The following KMT2D variants were observed in gnomAD, a reference collection of about 807,000 sequenced individuals.
KMT2D encodes the protein histone-lysine N-methyltransferase 2D.
In KMT2D, 55 loss-of-function variants were observed where a neutral mutation model predicts 512.7. The observed-to-expected ratio is 0.11, with a 90% CI of 0.09 to 0.13. KMT2D has a LOEUF of 0.13. Among genes scored for constraint, KMT2D ranks in the 10% least tolerant of loss-of-function variants. The pLI is 1.00. For missense variants in KMT2D, 6,061 were observed against 7,127.9 expected (o/e 0.85, Z 5.39); for synonymous variants, 2,995 against 2,904.0 (o/e 1.03, Z -1.01).
rs370775912 is a variant in KMT2D at position 49,044,946 on chromosome 12, G to A, written c.4761C>T (p.Phe1587=). The stretch of plus-strand genomic sequence containing the variant: ...CAGTTTCTGTCAGCCACACACCTTC[G>A]AAGCGAAAGTACTGGGGCTCTGCAT... ...VKEPEPQYFR[F]EGVWLTETGM... Residue 1587 remains phenylalanine, a synonymous_variant, in exon 20 of 55, where the codon TTC becomes TTT. Coordinates refer to ENST00000301067, the MANE Select transcript of KMT2D (RefSeq NM_003482.4). This position sits in a 1 kb window ranked among gnomAD's most constrained non-coding sequence, Gnocchi z 6.4. 15 of 1,613,866 alleles carry A rather than the reference G, an allele frequency of 9.3e-6. No homozygotes were observed. Among genetic ancestry groups the A allele is most frequent in the East Asian group, 2.2e-5 (1 of 44,884 alleles).
In KMT2D at chr12:49,042,884, G is replaced by A. The variant is rs1422052758; in HGVS notation, c.5645-6C>T. 3.7e-6 allele frequency: 6 copies of A among 1,613,576 alleles called. No homozygotes were observed. In the South Asian group the frequency reaches 5.5e-5, roughly 15 times the overall value. On this transcript the variant is annotated splice_region_variant and splice_polypyrimidine_tract_variant and intron_variant, in intron 26 of 54. Coordinates refer to ENST00000301067, the MANE Select transcript of KMT2D (RefSeq NM_003482.4). The surrounding 1 kb of genome is among the most constrained non-coding windows in gnomAD (Gnocchi z 4.4). ...GGATTCCATCTTGGGCAGTTCTGTGGGGGAATGAAGGACACTGTTGAGGAA... is the reference window on the plus strand; with the variant it reads ...GGATTCCATCTTGGGCAGTTCTGTGAGGGAATGAAGGACACTGTTGAGGAA...
chr12:49,044,964 C>T lies in KMT2D; in HGVS notation c.4743G>A (p.Glu1581=). The change falls in exon 20 of 55, where the codon GAG becomes GAA. Residue 1581 remains glutamate, a splice_region_variant and synonymous_variant. Coordinates refer to ENST00000301067, the MANE Select transcript of KMT2D (RefSeq NM_003482.4). The surrounding 1 kb of genome is among the most constrained non-coding windows in gnomAD (Gnocchi z 6.4). ...ELVPMKVKEP[E]PQYFRFEGVW... The stretch of plus-strand genomic sequence containing the variant: ...CACCTTCGAAGCGAAAGTACTGGGG[C>T]TCTGCATAAGAGGAAAGAGTATGTG... The T allele has an allele frequency of 3.7e-6, 6 of 1,613,338 alleles. No individual in the cohort carries two copies. Among genetic ancestry groups the T allele is most frequent in the Non-Finnish European group, 5.1e-6 (6 of 1,179,290 alleles).
Position 49,022,920 on chromosome 12 carries a change from C to A in KMT2D, c.16053-45G>T, listed in dbSNP as rs770597403. On this transcript the variant is annotated intron_variant, in intron 51 of 54. Coordinates refer to ENST00000301067, the MANE Select transcript of KMT2D (RefSeq NM_003482.4). This position sits in a 1 kb window ranked among gnomAD's most constrained non-coding sequence, Gnocchi z 8.6. ...ATGACAAGACAGCTCTCCCTCAGAC[C>A]AAGTACATACCACCCACCTCCTCTG... The A allele has an allele frequency of 3.3e-6, 5 of 1,513,738 alleles. No homozygotes were observed. The highest frequency in any genetic ancestry group is 1.8e-4 in the Middle Eastern group (1 of 5,706). The allele number at this position is 1,513,738 out of a possible 1,614,324, so 93.8% of individuals were successfully genotyped here.
In KMT2D at chr12:49,032,480, G is replaced by A; in HGVS notation, c.12225C>T (p.Leu4075=). The change falls in exon 40 of 55, where the codon CTC becomes CTT. Residue 4075 remains leucine (L), a synonymous_variant. Transcript: ENST00000301067. ...GCTGGGGCTGGGGTTGGACAAGCAG[G>A]AGTTGTGAGTCCCCAGAGAGTGAGG... The part of the protein sequence containing the change: ...VKPSLSGDSQ[L]LLVQPQPQPQ... 1 of 1,567,956 alleles carries A rather than the reference G, an allele frequency of 6.4e-7. No homozygotes were observed. Among genetic ancestry groups the A allele is most frequent in the Non-Finnish European group, 8.6e-7 (1 of 1,156,230 alleles).
At position 49,027,146 on chromosome 12, in the gene KMT2D, G is replaced by A. The variant is rs2120368654; in HGVS notation, c.14820C>T (p.Pro4940=). The change falls in exon 49 of 55, where the codon CCC becomes CCT. Residue 4940 remains proline, a synonymous_variant. Coordinates refer to ENST00000301067, the MANE Select transcript of KMT2D (RefSeq NM_003482.4). ...GTGAGGGGACGGGTGGCTCAGCCAA[G>A]GGTTCGGTGGGAAGTTCAACCAAGG... ...TEPLVELPTE[P]LAEPPVPSPL... is the part of the protein sequence containing the mutation. The A allele has an allele frequency of 1.3e-6, 2 of 1,571,108 alleles. No homozygotes were observed. The highest frequency in any genetic ancestry group is 1.7e-6 in the Non-Finnish European group (2 of 1,156,066).
Position 49,041,374 on chromosome 12 carries a change from G to T in KMT2D, c.6396C>A (p.Pro2132=), listed in dbSNP as rs746085488. The T allele has an allele frequency of 1.3e-6, 2 of 1,594,708 alleles. No homozygotes were observed. The highest frequency in any genetic ancestry group is 1.7e-6 in the Non-Finnish European group (2 of 1,170,090). ...PTIFIGSPTT[P]AGLSTSADGF... ...CGTCCGCAGAGGTAGACAAGCCGGC[G>T]GGGGTAGTGGGGCTGCCAATGAAAA... The change falls in exon 32 of 55, where the codon CCC becomes CCA. Residue 2132 remains proline, a synonymous_variant. Transcript: ENST00000301067. The surrounding 1 kb of genome is among the most constrained non-coding windows in gnomAD (Gnocchi z 5.4).
intron 1 of KMT2D, among the ~76,000 whole-genome samples, chr12:49,056,343 C>T (rs529035330): frequency 1.3e-5 from 2 of 152,172 alleles, no homozygotes; most frequent in African/African-American, 2.4e-5. Context: ...CTAAGAAATG[C>T]GTGCCTGTAT....
chr12:49,040,911 C>T lies in KMT2D; in HGVS notation c.6859G>A (p.Val2287Met). The change falls in exon 32 of 55, where the codon GTG becomes ATG. Residue 2287 changes from valine (V) to methionine (M), a missense_variant. Physicochemically the swap from Val to Met is conservative, Grantham distance 21. Transcript: ENST00000301067. ...PFGESRKALE[V>M]KKEELGASSP... ...GATGCCCCAAGCTCTTCCTTCTTCA[C>T]CTCTAGGGCCTTCCGGGACTCCCCA... 2 of 1,613,832 alleles carry T rather than the reference C, an allele frequency of 1.2e-6. No homozygotes were observed. The highest frequency in any genetic ancestry group is 1.7e-6 in the Non-Finnish European group (2 of 1,179,774).
rs760961544 is a variant in KMT2D, at chr12:49,041,245, G to A, written c.6525C>T (p.Asp2175=). 2 of 1,516,354 alleles carry A rather than the reference G, an allele frequency of 1.3e-6. No homozygotes were observed. Among genetic ancestry groups the A allele is most frequent in the Non-Finnish European group, 1.8e-6 (2 of 1,136,590 alleles). The allele number at this position is 1,516,354 out of a possible 1,614,324, so 93.9% of individuals were successfully genotyped here. The change falls in exon 32 of 55, where the codon GAC becomes GAT. Residue 2175 remains aspartate, a synonymous_variant. Transcript: ENST00000301067. This position sits in a 1 kb window ranked among gnomAD's most constrained non-coding sequence, Gnocchi z 5.4. ...GATAGGCAGGGGCCAGTCCAAAGGG[G>A]TCCTGCGAAGGCACTTGGGCGGGCA... ...PQVPAQVPSQ[D]PFGLAPAYPL... is the part of the protein sequence containing the mutation.
rs2120505404 is a variant in KMT2D at position 49,038,889 on chromosome 12, C to T, written c.8467G>A (p.Ala2823Thr). ...AATCGCATGGAGGTTGCTGCTGTTGCCTGTTGTTGCTGCCACAGTTGTTGC... is the reference window on the plus strand; with the variant it reads ...AATCGCATGGAGGTTGCTGCTGTTGTCTGTTGTTGCTGCCACAGTTGTTGC... ...QQQQLWQQQQ[A>T]TAATSMRFAM... is the part of the protein sequence containing the mutation. Residue 2823 changes from alanine (A) to threonine (T), a missense_variant, in exon 35 of 55, where the codon GCA becomes ACA. By Grantham distance (58) the Ala-to-Thr change is moderately conservative (BLOSUM62 0). This residue lies in a region of KMT2D where 527 missense variants were observed against 578.9 expected (regional missense o/e 0.91). Coordinates refer to ENST00000301067, the MANE Select transcript of KMT2D (RefSeq NM_003482.4). This position sits in a 1 kb window ranked among gnomAD's most constrained non-coding sequence, Gnocchi z 5.7. 6.4e-7 allele frequency: 1 copy of T among 1,551,742 alleles called. No individual in the cohort carries two copies. The highest frequency in any genetic ancestry group is 2.4e-5 in the East Asian group (1 of 40,928).
intron 2 of KMT2D, 94 bp from the exon 3 acceptor site, chr12:49,055,120 G>A (rs1938331640): frequency 1.3e-6 from 2 of 1,567,870 alleles, no homozygotes; most frequent in South Asian, 2.3e-5. Context: ...AAACCTGAGT[G>A]GATCAGAGTG....
At position 49,050,962 on chromosome 12, in the gene KMT2D, A is replaced by G; in HGVS notation, c.2721T>C (p.Pro907=). The G allele has an allele frequency of 6.4e-7, 1 of 1,559,158 alleles. No individual in the cohort carries two copies. The highest frequency in any genetic ancestry group is 8.7e-7 in the Non-Finnish European group (1 of 1,154,136). The change falls in exon 11 of 55, where the codon CCT becomes CCC. Residue 907 remains proline (P), a synonymous_variant. Coordinates refer to ENST00000301067, the MANE Select transcript of KMT2D (RefSeq NM_003482.4). ...GCAGCTCCTCGGGCAGAGGGGACAG[A>G]GGTGGTTCCCCAGGCTCAGACAGGG... ...EPALSEPGEP[P]LSPLPEELPL... is the part of the protein sequence containing the mutation.
rs587783729 is a variant in KMT2D, at chr12:49,038,613, G to A, written c.8743C>T (p.Arg2915Ter). 2 of 1,612,886 alleles carry A rather than the reference G, an allele frequency of 1.2e-6. No homozygotes were observed. Among genetic ancestry groups the A allele is most frequent in the Non-Finnish European group, 1.7e-6 (2 of 1,179,580 alleles). ...CCCCGAAGCCCTTCAGGAGCCAGTC[G>A]GTGGGGGTCCTCACTTACAGGGTAA... ...RFYPVSEDPHRLAPEGLRGLA... is the reference protein window; with the variant it reads ...RFYPVSEDPH The change falls in exon 35 of 55, where the codon CGA (arginine) becomes TGA (stop). Residue 2915 changes from arginine (R) to a stop codon, truncating the protein, a stop_gained. Transcript: ENST00000301067. LOFTEE classifies it high-confidence loss of function. This position sits in a 1 kb window ranked among gnomAD's most constrained non-coding sequence, Gnocchi z 5.7.
chr12:49,046,565 A>G lies in KMT2D; in HGVS notation c.4418+44T>C. ...TACTCAACATCATATCCACTTTAAC[A>G]TCTCAAGGCCCCAGGGCTCCACTGA... On this transcript the variant is annotated intron_variant, in intron 16 of 54. Transcript: ENST00000301067. This position sits in a 1 kb window ranked among gnomAD's most constrained non-coding sequence, Gnocchi z 4.2. 1 of 1,584,944 alleles carries G rather than the reference A, an allele frequency of 6.3e-7. No individual in the cohort carries two copies. Among genetic ancestry groups the G allele is most frequent in the Non-Finnish European group, 8.6e-7 (1 of 1,161,700 alleles).
At chr12:49,043,253 G>A (rs1943622071) in intron 25 of KMT2D, 67 bp from the exon 26 acceptor site, 4 of 1,536,432 alleles carry the variant, frequency 2.6e-6, no homozygotes, top group Admixed American at 1.7e-5. Flanking sequence ...GAACCACAGA[G>A]GGCCATGGGA....
Position 49,043,357 on chromosome 12 carries a change from C to A in KMT2D, c.5533+6G>T, listed in dbSNP as rs747593413. The A allele has an allele frequency of 6.2e-7, 1 of 1,613,816 alleles. No individual in the cohort carries two copies. On this transcript the variant is annotated splice_donor_region_variant and intron_variant, in intron 25 of 54. Transcript: ENST00000301067. ...GACAGGACACAGTAACCCCGGCAGC[C>A]CTCACCTGGTGTATCGGCTTTGCCC...
In KMT2D at chr12:49,042,964, G is replaced by T; in HGVS notation, c.5645-86C>A. The T allele has an allele frequency of 6.3e-7, 1 of 1,579,746 alleles. No homozygotes were observed. The highest frequency in any genetic ancestry group is 8.7e-7 in the Non-Finnish European group (1 of 1,151,340). ...CTACAAATGATCATGGCCAGGAACA[G>T]TCCAGGACTCCCCACCAGAGAAGCT... is the stretch of plus-strand genomic sequence containing the variant. On this transcript the variant is annotated intron_variant, in intron 26 of 54. Coordinates refer to ENST00000301067, the MANE Select transcript of KMT2D (RefSeq NM_003482.4). The surrounding 1 kb of genome is among the most constrained non-coding windows in gnomAD (Gnocchi z 4.4).
chr12:49,037,840 T>C lies in KMT2D; in HGVS notation c.9516A>G (p.Pro3172=). The change falls in exon 35 of 55, where the codon CCA becomes CCG. Residue 3172 remains proline, a synonymous_variant. Transcript: ENST00000301067. ...GSRDTRMGTG[P]FSSSGHTAEK... ...CAGCTGTGTGCCCACTGCTAGAAAA[T>C]GGCCCTGTGCCCATCCGGGTATCCC... 2 of 1,596,754 alleles carry C rather than the reference T, an allele frequency of 1.3e-6. No individual in the cohort carries two copies. Among genetic ancestry groups the C allele is most frequent in the South Asian group, 1.1e-5 (1 of 88,296 alleles).
rs2120484558 is a variant in KMT2D, at chr12:49,037,708, C to A, written c.9648G>T (p.Glu3216Asp). ...CACCAGGCAAGGTCAAAGCCCCACT[C>A]TCGAGCTCAAACTTTTCCAGCAGGG... ...GSSLLEKFEL[E>D]SGALTLPGGP... The change falls in exon 35 of 55, where the codon GAG becomes GAT. Residue 3216 changes from glutamate to aspartate, a missense_variant. Transcript: ENST00000301067. 6.3e-7 allele frequency: 1 copy of A among 1,586,390 alleles called. No individual in the cohort carries two copies. Among genetic ancestry groups the A allele is most frequent in the Non-Finnish European group, 8.6e-7 (1 of 1,166,226 alleles).
Sources: allele counts gnomAD v4.1 joint callset (sites outside exome capture counted in the v4.1 genomes callset), GRCh38; gene constraint gnomAD v4.1.1; regional missense constraint gnomAD v4.1.1; non-coding constraint Gnocchi (gnomAD v3.1); transcripts MANE v1.5; gene names NCBI Gene and HGNC (gene_info 2026-07-23, HGNC 2026-07-21).